ATG3: variants seen among roughly 807,000 people sequenced by gnomAD.
The protein encoded by ATG3 is autophagy related 3.
Under a neutral mutation model 50.7 loss-of-function variants are expected in ATG3, and 25 were observed. The ratio of observed to expected loss-of-function variants is 0.49; its 90% confidence interval spans 0.36 to 0.69. ATG3 has a LOEUF of 0.69. Among genes scored for constraint, ATG3 ranks in the 30% least tolerant of loss-of-function variants. The probability of loss-of-function intolerance (pLI) is 0.00; values close to 1 mark genes in which losing one functional copy is unlikely to be tolerated. For synonymous variants in ATG3, 119 were observed against 125.5 expected (o/e 0.95, Z 0.34); for missense variants, 281 against 376.0 (o/e 0.75, Z 2.09).
chr3:112,549,337 T>A (rs1158165770), intron 4 of ATG3, among the ~76,000 whole-genome samples: 4 of 152,198 alleles, frequency 2.6e-5, no homozygotes, highest in Non-Finnish European at 5.9e-5. Flanking sequence ...ATATAAATTA[T>A]CAGCCTTTGT....
At chr3:112,537,260 C>T (rs544076629) in intron 9 of ATG3, among the ~76,000 whole-genome samples, 1 of 152,164 alleles carries the variant, frequency 6.6e-6, no homozygotes, top group South Asian at 2.1e-4. Context: ...CCATGTATAG[C>T]CATAAGAATG....
At chr3:112,535,595 A>G (rs1933020550) in intron 10 of ATG3, 2 of 152,202 alleles carry the variant, frequency 1.3e-5, no homozygotes, top group Admixed American at 1.3e-4. Context: ...TTTCATAGTT[A>G]GCAAAGTTTC....
rs2107364982 is a variant in ATG3, at chr3:112,533,853, A to C, written c.863+416T>G. ...TAAGAATATCTAAAGCACTTCACGT[A>C]GTACATTACTTTTAATTAACGTATT... On this transcript the variant is annotated intron_variant, in intron 11 of 11. Transcript: ENST00000283290. The C allele has an allele frequency of 5.0e-6, 5 of 993,126 alleles. No individual in the cohort carries two copies. The South Asian group carries it at 2.3e-4, about 46-fold the overall frequency. 61.5% of individuals were successfully genotyped at this position (993,126 alleles called of 1,614,324 possible).
At chr3:112,537,619 A>C in intron 9 of ATG3, 116 bp downstream of exon 9, 1 of 738,624 alleles carries the variant, frequency 1.4e-6, no homozygotes, top group South Asian at 2.9e-5. Context: ...ACTGTAAAAC[A>C]GATGATTTCC....
At position 112,553,327 on chromosome 3, in the gene ATG3, A is replaced by G; in HGVS notation, c.117T>C (p.Phe39=). 2 of 1,611,996 alleles carry G rather than the reference A, an allele frequency of 1.2e-6. No homozygotes were observed. Among genetic ancestry groups the G allele is most frequent in the Non-Finnish European group, 1.7e-6 (2 of 1,178,050 alleles). ...GGACTAGGTGATCTCCAGCTGCCAC[A>G]AACTATTCAGGATTTAAAAGTAATA... ...KETGVITPEE[F]VAAGDHLVHH... is the part of the protein sequence containing the mutation. The change falls in exon 3 of 12, where the codon TTT becomes TTC. Residue 39 remains phenylalanine, a splice_region_variant and synonymous_variant. Transcript: ENST00000283290.
At chr3:112,550,548 A>G (rs1418041955) in intron 3 of ATG3, among the ~76,000 whole-genome samples, 3 of 152,242 alleles carry the variant, frequency 2.0e-5, no homozygotes, top group African/African-American at 7.2e-5. Context: ...TTAAGCAACT[A>G]TTATGTTTGC....
At chr3:112,532,858 A>C (rs746212229) in intron 11 of ATG3, 78 bp from the exon 12 acceptor site, 317 of 1,383,524 alleles carry the variant, frequency 2.3e-4, no homozygotes, top group Non-Finnish European at 2.9e-4. Flanking sequence ...TATCCATTTT[A>C]TTAAGCCATT....
At chr3:112,550,082 A>G in intron 4 of ATG3, 110 bp downstream of exon 4, 1 of 685,108 alleles carries the variant, frequency 1.5e-6, no homozygotes, top group Non-Finnish European at 2.4e-6. Flanking sequence ...GAAATAACAG[A>G]AAGAGGTGAT....
intron 5 of ATG3, among the ~76,000 whole-genome samples, chr3:112,545,826 G>A (rs1011678776): frequency 1.6e-4 from 24 of 152,170 alleles, no homozygotes; most frequent in Non-Finnish European, 2.9e-4. Flanking sequence ...AACTTGGCTA[G>A]GTTGTGGCAC....
chr3:112,547,193 G>C (rs1012466572), intron 5 of ATG3, among the ~76,000 whole-genome samples: 10 of 152,214 alleles, frequency 6.6e-5, no homozygotes, highest in East Asian at 3.8e-4. Flanking sequence ...CTGGTATCCA[G>C]TGGTTACAGG....
intron 11 of ATG3, chr3:112,533,220 G>A: frequency 1.0e-6 from 1 of 985,282 alleles, no homozygotes; most frequent in Non-Finnish European, 1.2e-6. Context: ...TTCTAGGTTA[G>A]TGTATGTATT....
chr3:112,539,277 A>T (rs2705563), intron 7 of ATG3, among the ~76,000 whole-genome samples: 149,447 of 152,314 alleles, frequency 0.98, 73,330 homozygotes, highest in Admixed American at 0.99. Context: ...CACTCTGAGT[A>T]ATGTCAAGAC....
chr3:112,535,106 A>G (rs1932985939), intron 10 of ATG3: 1 of 152,174 alleles, frequency 6.6e-6, no homozygotes, highest in Non-Finnish European at 1.5e-5. Flanking sequence ...TATCAAAGTT[A>G]GTATCTAGGC....
In ATG3 at chr3:112,556,923, G is replaced by C. The variant is rs558442362; in HGVS notation, c.114+1453C>G. ...CAGGGTCCTCTGCCTAGGAAAACCA[G>C]AGACCTTTGTTCACTTATCTGCTGA... On this transcript the variant is annotated intron_variant, in intron 2 of 11. Transcript: ENST00000283290. Among the ~76,000 whole-genome samples the C allele has an allele frequency of 4.2e-3, 636 of 151,938 alleles. 3 individuals carry two copies. Among genetic ancestry groups the C allele is most frequent in the African/African-American group, 0.014 (581 of 41,386 alleles).
At chr3:112,541,041 TAGG>T (rs765228698) in intron 7 of ATG3, among the ~76,000 whole-genome samples, 10 of 152,278 alleles carry the variant, frequency 6.6e-5, no homozygotes, top group Admixed American at 1.3e-4. Context: ...CTGGCAACTC[TAGG>T]AGGAGGACTT....
chr3:112,534,514 A>G (rs185168335), intron 10 of ATG3, 177 bp from the exon 11 acceptor site: 267 of 371,850 alleles, frequency 7.2e-4, no homozygotes, highest in East Asian at 6.6e-3. Context: ...ATTTATTAAA[A>G]TAGTTAAATT....
chr3:112,538,116 A>C (rs1480908203), intron 8 of ATG3, 30 bp downstream of exon 8: 1 of 1,516,574 alleles, frequency 6.6e-7, no homozygotes, highest in East Asian at 2.3e-5. Flanking sequence ...ATCCATTAAA[A>C]ATTAACTAAA....
intron 1 of ATG3, among the ~76,000 whole-genome samples, chr3:112,560,808 T>G (rs1933839506): frequency 6.6e-6 from 1 of 152,236 alleles, no homozygotes; most frequent in Non-Finnish European, 1.5e-5. Context: ...GCCAATATAT[T>G]TTTAAAAATT....
chr3:112,558,433 A>G lies in ATG3; in HGVS notation c.73-16T>C. The G allele has an allele frequency of 6.4e-7, 1 of 1,560,036 alleles. No homozygotes were observed. Among genetic ancestry groups the G allele is most frequent in the South Asian group, 1.1e-5 (1 of 89,280 alleles). On this transcript the variant is annotated splice_polypyrimidine_tract_variant and intron_variant, in intron 1 of 11. Coordinates refer to ENST00000283290, the MANE Select transcript of ATG3 (RefSeq NM_022488.5). ...ACTTTGATTCCTAAAAAAAGCAGAA[A>G]GAAAAACAATATTATATCATGTTTC...
Sources: gnomAD v4.1 joint callset for allele counts (sites outside exome capture counted in the v4.1 genomes callset) on GRCh38, gnomAD v4.1.1 for gene constraint, MANE v1.5 for transcripts, NCBI Gene and HGNC (gene_info 2026-07-23, HGNC 2026-07-21) for gene names.